Variants in DST observed in about 807,000 individuals in gnomAD.
DST encodes bullous pemphigoid antigen.
A neutral mutation model predicts 875.2 loss-of-function variants in DST; 253 were observed. That is an observed-to-expected ratio of 0.29 (90% CI 0.26 to 0.32). DST has a LOEUF of 0.32. Among genes scored for constraint, DST ranks in the 10% least tolerant of loss-of-function variants. The pLI is 1.00. For missense variants in DST, 8,287 were observed against 9,111.6 expected (o/e 0.91, Z 3.68); for synonymous variants, 3,124 against 3,197.1 (o/e 0.98, Z 0.77).
intron 4 of DST, among the ~76,000 whole-genome samples, chr6:56,831,788 G>A: frequency 6.6e-6 from 1 of 151,842 alleles, no homozygotes; most frequent in African/African-American, 2.4e-5. Context: ...TTTTTCCAGG[G>A]AAAGACTGAG....
chr6:56,651,430 C>T (rs1419158115), intron 10 of DST, among the ~76,000 whole-genome samples, 186 bp from the exon 11 acceptor site: 2 of 152,144 alleles, frequency 1.3e-5, no homozygotes, highest in South Asian at 2.1e-4. Flanking sequence ...GTATCGAAAG[C>T]AAATATAACA....
At chr6:56,547,822 C>A (rs1317611883) in intron 61 of DST, among the ~76,000 whole-genome samples, 1 of 152,206 alleles carries the variant, frequency 6.6e-6, no homozygotes, top group Non-Finnish European at 1.5e-5. Flanking sequence ...ACAATGCCTT[C>A]ACCTGGACCA....
chr6:56,484,371 G>A (rs928439376), intron 88 of DST: 3 of 151,478 alleles, frequency 2.0e-5, no homozygotes, highest in Non-Finnish European at 2.9e-5. Context: ...CTTTTCAGGT[G>A]TAACAAACTC....
intron 4 of DST, among the ~76,000 whole-genome samples, chr6:56,841,926 A>G (rs990709851): frequency 1.1e-4 from 16 of 152,178 alleles, no homozygotes; most frequent in Admixed American, 7.9e-4. Context: ...ATTATACACA[A>G]TAAGAGTCTT....
At chr6:56,660,737 A>G (rs749878318) in intron 10 of DST, among the ~76,000 whole-genome samples, 138 of 151,506 alleles carry the variant, frequency 9.1e-4, no homozygotes, top group Non-Finnish European at 1.4e-3. Flanking sequence ...TCTCAAAACT[A>G]GGTGCCTGAG....
intron 49 of DST, among the ~76,000 whole-genome samples, chr6:56,581,219 T>C (rs1176389528): frequency 1.3e-5 from 2 of 151,976 alleles, no homozygotes; most frequent in Middle Eastern, 3.4e-3. Context: ...ACATAGAGAA[T>C]TGGAAGTCAA....
At position 56,506,641 on chromosome 6, in the gene DST, C is replaced by T. The variant is rs755891767; in HGVS notation, c.19362+26G>A. 1.6e-5 allele frequency: 26 copies of T among 1,612,424 alleles called. No individual in the cohort carries two copies. The East Asian group carries it at 5.6e-4, about 35-fold the overall frequency. On this transcript the variant is annotated intron_variant, in intron 76 of 103. Transcript: ENST00000680361. The stretch of plus-strand genomic sequence containing the variant: ...AGTTAACTAAAAACTTTTTAAAAGC[C>T]ATTCTGATAAGTAAGCCAGTTGTAC...
At chr6:56,844,794 C>G (rs1025275389) in intron 4 of DST, among the ~76,000 whole-genome samples, 1 of 150,806 alleles carries the variant, frequency 6.6e-6, no homozygotes, top group Non-Finnish European at 1.5e-5. Context: ...ACTGCTTGAA[C>G]CCGGGAGGTG....
intron 62 of DST, among the ~76,000 whole-genome samples, chr6:56,536,559 A>G (rs1362910289): frequency 6.6e-6 from 1 of 152,188 alleles, no homozygotes; most frequent in Non-Finnish European, 1.5e-5. Flanking sequence ...AGGCGAGATA[A>G]CAGCAGGAAG....
intron 2 of DST, chr6:56,945,634 T>C (rs1375053087): frequency 6.6e-6 from 1 of 152,156 alleles, no homozygotes; most frequent in Non-Finnish European, 1.5e-5. Flanking sequence ...GTAACCATGA[T>C]ATGGGGATAA....
intron 2 of DST, among the ~76,000 whole-genome samples, chr6:56,938,690 T>C (rs1814584974): frequency 1.3e-5 from 2 of 152,170 alleles, no homozygotes; most frequent in African/African-American, 2.4e-5. Flanking sequence ...GCCAAAACAA[T>C]GTGTCAGCAG....
intron 58 of DST, among the ~76,000 whole-genome samples, 156 bp from the exon 59 acceptor site, chr6:56,557,674 G>A (rs1202267695): frequency 7.9e-5 from 12 of 152,006 alleles, no homozygotes; most frequent in Non-Finnish European, 1.5e-4. Flanking sequence ...ACTAACCTAC[G>A]ATTTTATAGG....
intron 23 of DST, 67 bp from the exon 24 acceptor site, chr6:56,635,781 T>G: frequency 6.4e-7 from 1 of 1,558,570 alleles, no homozygotes. Flanking sequence ...GTTGTCACAC[T>G]CCAATACCAA....
chr6:56,561,967 C>T (rs966444207), intron 56 of DST, among the ~76,000 whole-genome samples, 171 bp downstream of exon 56: 9 of 151,824 alleles, frequency 5.9e-5, no homozygotes, highest in African/African-American at 2.2e-4. Context: ...CACAAAACTG[C>T]AAAAAATGTT....
intron 4 of DST, among the ~76,000 whole-genome samples, chr6:56,742,660 A>G (rs2099551454): frequency 1.3e-5 from 2 of 152,188 alleles, no homozygotes; most frequent in South Asian, 4.1e-4. Context: ...AGGCGAACCA[A>G]TAGGATGTTA....
intron 89 of DST, chr6:56,482,450 G>C (rs2095433144): frequency 1.9e-6 from 1 of 528,760 alleles, no homozygotes; most frequent in Non-Finnish European, 3.2e-6. Flanking sequence ...TCCAAGCTGA[G>C]ACATTACTCA....
chr6:56,795,480 G>A (rs761163385), intron 4 of DST, among the ~76,000 whole-genome samples: 18 of 152,010 alleles, frequency 1.2e-4, no homozygotes, highest in Non-Finnish European at 2.2e-4. Flanking sequence ...CTAACACAAC[G>A]GATGGAAAGG....
intron 53 of DST, among the ~76,000 whole-genome samples, chr6:56,570,223 T>G (rs1380806963): frequency 6.6e-6 from 1 of 152,092 alleles, no homozygotes; most frequent in Non-Finnish European, 1.5e-5. Context: ...AGAAGATAAT[T>G]TTTTCCACAG....
At chr6:56,643,897 C>G (rs916673080) in intron 15 of DST, among the ~76,000 whole-genome samples, 8 of 152,132 alleles carry the variant, frequency 5.3e-5, no homozygotes, top group Admixed American at 1.3e-4. Flanking sequence ...TTATTATGTG[C>G]AAGAAATTAA....
Sources: allele counts gnomAD v4.1 joint callset (sites outside exome capture counted in the v4.1 genomes callset), GRCh38; gene constraint gnomAD v4.1.1; transcripts MANE v1.5; gene names NCBI Gene and HGNC (gene_info 2026-07-23, HGNC 2026-07-21).